The following MCTP1 variants were observed in gnomAD, a reference collection of about 807,000 sequenced individuals.
The protein encoded by MCTP1 is multiple C2 and transmembrane domain containing 1, also known as multiple C2 and transmembrane domain-containing protein 1.
MCTP1 carries 69 observed loss-of-function variants against 120.6 expected under a neutral mutation model. That is an observed-to-expected ratio of 0.57 (90% CI 0.47 to 0.70). The LOEUF (loss-of-function observed/expected upper bound fraction) is 0.70. Among genes scored for constraint, MCTP1 ranks in the 30% least tolerant of loss-of-function variants. The pLI, the probability that MCTP1 is intolerant of heterozygous loss-of-function variation, is 0.00. For synonymous variants in MCTP1, 529 were observed against 493.1 expected, an observed-to-expected ratio of 1.07 and a Z score of -0.96; for missense variants, 1,203 against 1,248.8, an observed-to-expected ratio of 0.96 and a Z score of 0.55.
At chr5:95,197,617 G>T (rs370857200) in intron 1 of MCTP1, among the ~76,000 whole-genome samples, 9 of 152,230 alleles carry the variant, frequency 5.9e-5, no homozygotes, top group African/African-American at 2.2e-4. Flanking sequence ...CATCAACTGT[G>T]TAGAACATCA....
At chr5:94,743,934 C>T (rs976811128) in intron 19 of MCTP1, among the ~76,000 whole-genome samples, 16 of 151,934 alleles carry the variant, frequency 1.1e-4, no homozygotes, top group East Asian at 7.8e-4. Context: ...CCACTGTGCC[C>T]GGCCAAAATC....
chr5:95,196,197 GGGATAC>G (rs1490548995), intron 1 of MCTP1, among the ~76,000 whole-genome samples: 1 of 152,104 alleles, frequency 6.6e-6, no homozygotes, highest in Non-Finnish European at 1.5e-5. Flanking sequence ...AATAAATGCA[GGGATAC>G]GGCTTATACT....
intron 19 of MCTP1, among the ~76,000 whole-genome samples, chr5:94,753,821 T>A (rs142264709): frequency 2.6e-4 from 40 of 152,296 alleles, no homozygotes; most frequent in African/African-American, 9.4e-4. Context: ...ATACTTCAGG[T>A]AGACTATGCC....
intron 1 of MCTP1, among the ~76,000 whole-genome samples, chr5:95,234,569 G>A (rs772804509): frequency 6.6e-6 from 1 of 152,112 alleles, no homozygotes; most frequent in Non-Finnish European, 1.5e-5. Flanking sequence ...TTATTGCTGT[G>A]AGTAATAATA....
At chr5:94,874,682 T>C in intron 12 of MCTP1, among the ~76,000 whole-genome samples, 1 of 152,116 alleles carries the variant, frequency 6.6e-6, no homozygotes, top group East Asian at 1.9e-4. Flanking sequence ...CTTGCCTACA[T>C]GTTACCACCC....
intron 19 of MCTP1, among the ~76,000 whole-genome samples, chr5:94,746,923 C>T (rs1767035320): frequency 6.6e-6 from 1 of 152,198 alleles, no homozygotes; most frequent in African/African-American, 2.4e-5. Flanking sequence ...CTCAAGGCCT[C>T]TTGGGAATTC....
At chr5:95,039,551 C>G (rs1176790034) in intron 1 of MCTP1, among the ~76,000 whole-genome samples, 2 of 152,100 alleles carry the variant, frequency 1.3e-5, no homozygotes, top group African/African-American at 4.8e-5. Context: ...TGCTTTTATG[C>G]TTGTTTGTGA....
chr5:94,986,722 G>A (rs1246149507), intron 2 of MCTP1, among the ~76,000 whole-genome samples: 1 of 152,062 alleles, frequency 6.6e-6, no homozygotes, highest in African/African-American at 2.4e-5. Context: ...TGTTGGCCAG[G>A]CTGGTCTTGA....
intron 19 of MCTP1, among the ~76,000 whole-genome samples, chr5:94,750,114 C>G (rs1439785836): frequency 6.6e-6 from 1 of 152,188 alleles, no homozygotes; most frequent in African/African-American, 2.4e-5. Context: ...GTCCCTTGTT[C>G]CCTTTCCCTA....
intron 6 of MCTP1, among the ~76,000 whole-genome samples, chr5:94,925,651 C>T (rs538146390): frequency 1.1e-4 from 16 of 152,240 alleles, no homozygotes; most frequent in African/African-American, 3.6e-4. Flanking sequence ...CCTCGTGATC[C>T]GCCCGCCTAG....
In MCTP1 at chr5:95,284,645, T is replaced by C; in HGVS notation, c.-70A>G. 1 of 1,263,636 alleles carries C rather than the reference T, an allele frequency of 7.9e-7. No individual in the cohort carries two copies. Among genetic ancestry groups the C allele is most frequent in the Non-Finnish European group, 1.0e-6 (1 of 972,374 alleles). 78.3% of individuals were successfully genotyped at this position (1,263,636 alleles called of 1,614,324 possible). Reference sequence around the variant, plus strand: ...CTCCTGCTTCTCCTCCCTCTTCGGCTGCACCTCCTCCCGGGTCCCCGCGGC... The same window carrying C: ...CTCCTGCTTCTCCTCCCTCTTCGGCCGCACCTCCTCCCGGGTCCCCGCGGC... On this transcript the variant is annotated 5_prime_UTR_variant, in exon 1 of 23. Transcript: ENST00000515393. The surrounding 1 kb of genome is among the most constrained non-coding windows in gnomAD (Gnocchi z 5.2).
At chr5:94,905,010 A>T (rs1467632196) in intron 10 of MCTP1, among the ~76,000 whole-genome samples, 1 of 152,274 alleles carries the variant, frequency 6.6e-6, no homozygotes, top group Non-Finnish European at 1.5e-5. Context: ...AGAGCAGAAT[A>T]GAGGAATGGA....
intron 1 of MCTP1, among the ~76,000 whole-genome samples, chr5:95,244,593 C>T (rs574399831): frequency 6.6e-5 from 10 of 152,180 alleles, no homozygotes; most frequent in East Asian, 1.9e-4. Context: ...CAACAGTCTG[C>T]GATCAATCTG....
intron 17 of MCTP1, chr5:94,825,956 T>A: frequency 4.3e-6 from 1 of 232,552 alleles, no homozygotes; most frequent in Non-Finnish European, 8.8e-6. Flanking sequence ...GGTAGGCAAC[T>A]TAGATCATTC....
chr5:95,093,027 C>A (rs534788182), intron 1 of MCTP1, among the ~76,000 whole-genome samples: 1 of 152,182 alleles, frequency 6.6e-6, no homozygotes, highest in Non-Finnish European at 1.5e-5. Context: ...TCATAGAAAA[C>A]CCACAAACTA....
At chr5:94,775,523 T>G (rs1418195771) in intron 19 of MCTP1, among the ~76,000 whole-genome samples, 1 of 152,150 alleles carries the variant, frequency 6.6e-6, no homozygotes, top group Non-Finnish European at 1.5e-5. Context: ...AAAGGCAGGA[T>G]TTGGTGTCAG....
chr5:95,173,480 A>T (rs796198228), intron 1 of MCTP1, among the ~76,000 whole-genome samples: 8 of 152,326 alleles, frequency 5.3e-5, no homozygotes, highest in African/African-American at 1.9e-4. Flanking sequence ...CCTCAAGTAT[A>T]GCCATCATCT....
intron 6 of MCTP1, chr5:94,929,587 A>G (rs1231301030): frequency 1.2e-6 from 1 of 813,988 alleles, no homozygotes; most frequent in South Asian, 5.6e-5. Flanking sequence ...TAAAACAGTA[A>G]CATAGTAAAA....
chr5:94,719,378 A>C (rs547767225), intron 19 of MCTP1, among the ~76,000 whole-genome samples: 9 of 152,236 alleles, frequency 5.9e-5, no homozygotes, highest in Non-Finnish European at 8.8e-5. Context: ...ATTGCAGACT[A>C]TTCACAAAAG....
Sources: gnomAD v4.1 joint callset for allele counts (sites outside exome capture counted in the v4.1 genomes callset) on GRCh38, gnomAD v4.1.1 for gene constraint, Gnocchi (gnomAD v3.1) non-coding constraint, MANE v1.5 for transcripts, NCBI Gene and HGNC (gene_info 2026-07-23, HGNC 2026-07-21) for gene names.